KCNK2: variants seen among roughly 807,000 people sequenced by gnomAD.
KCNK2 encodes the protein potassium two pore domain channel subfamily K member 2, also known as potassium channel subfamily K member 2.
Under a neutral mutation model 40.5 loss-of-function variants are expected in KCNK2, and 21 were observed. The ratio of observed to expected loss-of-function variants is 0.52; its 90% confidence interval spans 0.37 to 0.75. The LOEUF (loss-of-function observed/expected upper bound fraction) is 0.75, where lower values mean the gene tolerates loss of function less well. Among genes scored for constraint, KCNK2 ranks in the 30% least tolerant of loss-of-function variants. KCNK2 has a pLI of 0.00. For missense variants in KCNK2, 399 were observed against 531.6 expected, an observed-to-expected ratio of 0.75 and a Z score of 2.45; for synonymous variants, 191 against 202.2, an observed-to-expected ratio of 0.94 and a Z score of 0.47.
intron 2 of KCNK2, among the ~76,000 whole-genome samples, chr1:215,114,740 A>T (rs1460752285): frequency 2.0e-5 from 3 of 152,190 alleles, no homozygotes; most frequent in Non-Finnish European, 4.4e-5. Context: ...GCAAGTCATT[A>T]ATAAACTTCC....
At chr1:215,028,282 G>A (rs1480815012) in intron 1 of KCNK2, among the ~76,000 whole-genome samples, 2 of 152,138 alleles carry the variant, frequency 1.3e-5, no homozygotes, top group East Asian at 3.9e-4. Flanking sequence ...TTACTCAGGA[G>A]GCTGAGGCAG....
chr1:215,013,067 T>C (rs187886841), intron 1 of KCNK2, among the ~76,000 whole-genome samples: 86 of 152,330 alleles, frequency 5.6e-4, no homozygotes, highest in Non-Finnish European at 1.1e-3. Flanking sequence ...TTCAAATTTA[T>C]GAAAAATTTC....
rs544960993 is a variant in KCNK2 at position 215,011,280 on chromosome 1, C to T, written c.34+5325C>T. Among the ~76,000 whole-genome samples, 8 of 152,198 alleles carry T rather than the reference C, an allele frequency of 5.3e-5. 1 individual carries two copies. Among genetic ancestry groups the T allele is most frequent in the African/African-American group, 1.7e-4 (7 of 41,528 alleles). On this transcript the variant is annotated intron_variant, in intron 1 of 6. Transcript: ENST00000391895. ...AGTATAAATGAAATCATACAGTTTACAATCTTTTGAGTCTGATTTCTTTTT... is the reference window on the plus strand; with the variant it reads ...AGTATAAATGAAATCATACAGTTTATAATCTTTTGAGTCTGATTTCTTTTT...
intron 1 of KCNK2, among the ~76,000 whole-genome samples, chr1:215,011,087 T>A (rs897873612): frequency 3.3e-5 from 5 of 151,814 alleles, no homozygotes; most frequent in Admixed American, 2.6e-4. Context: ...TCTATGAGTT[T>A]TGATACAGAG....
At chr1:215,049,886 C>A (rs1195946990) in intron 1 of KCNK2, among the ~76,000 whole-genome samples, 1 of 152,068 alleles carries the variant, frequency 6.6e-6, no homozygotes, top group East Asian at 1.9e-4. Flanking sequence ...ATCAATATCA[C>A]CTTACCTTAA....
chr1:215,121,397 T>A (rs776992219), intron 2 of KCNK2, among the ~76,000 whole-genome samples: 2 of 152,128 alleles, frequency 1.3e-5, no homozygotes, highest in African/African-American at 4.8e-5. Flanking sequence ...TTCTCCCACC[T>A]CAGCCTCCCT....
At chr1:215,091,070 C>T (rs965137920) in intron 2 of KCNK2, among the ~76,000 whole-genome samples, 3 of 152,122 alleles carry the variant, frequency 2.0e-5, no homozygotes, top group African/African-American at 7.2e-5. Flanking sequence ...ATAGCATTAC[C>T]GTAGAAATAC....
intron 1 of KCNK2, among the ~76,000 whole-genome samples, chr1:215,057,708 C>T (rs961646139): frequency 2.6e-5 from 4 of 152,120 alleles, no homozygotes; most frequent in Middle Eastern, 3.4e-3. Context: ...AAGGGCAGTG[C>T]AGGAAGGAGA....
At chr1:215,027,698 A>T (rs558904948) in intron 1 of KCNK2, among the ~76,000 whole-genome samples, 1 of 152,238 alleles carries the variant, frequency 6.6e-6, no homozygotes, top group South Asian at 2.1e-4. Flanking sequence ...GTTGATACTT[A>T]ATTTATGCTA....
At chr1:215,020,976 T>C (rs1406072904) in intron 1 of KCNK2, among the ~76,000 whole-genome samples, 1 of 152,174 alleles carries the variant, frequency 6.6e-6, no homozygotes, top group African/African-American at 2.4e-5. Flanking sequence ...AAAAATTCAA[T>C]CGTGGTGGGA....
At chr1:215,173,294 T>C (rs998311297) in intron 5 of KCNK2, among the ~76,000 whole-genome samples, 10 of 152,324 alleles carry the variant, frequency 6.6e-5, no homozygotes, top group African/African-American at 2.4e-4. Context: ...ACAAAGGACA[T>C]GAACTCATCC....
chr1:215,226,701 T>C (rs1571752426), intron 6 of KCNK2, among the ~76,000 whole-genome samples: 1 of 152,078 alleles, frequency 6.6e-6, no homozygotes, highest in African/African-American at 2.4e-5. Flanking sequence ...GGTGAGATAT[T>C]GTCATGAAAA....
chr1:215,101,983 AATTTTTTGAG>A (rs1432084281), intron 2 of KCNK2, among the ~76,000 whole-genome samples: 1 of 151,928 alleles, frequency 6.6e-6, no homozygotes, highest in African/African-American at 2.4e-5. Context: ...TTATTTTTAA[AATTTTTTGAG>A]TTTTTAAATT....
intron 5 of KCNK2, 43 bp from the exon 6 acceptor site, chr1:215,194,910 T>C (rs1292680879): frequency 6.3e-7 from 1 of 1,597,606 alleles, no homozygotes; most frequent in Non-Finnish European, 8.6e-7. Flanking sequence ...TGTTTACTTT[T>C]AAGACTATGA....
chr1:215,063,509 G>C (rs1292538359), intron 1 of KCNK2, among the ~76,000 whole-genome samples: 1 of 152,126 alleles, frequency 6.6e-6, no homozygotes, highest in Non-Finnish European at 1.5e-5. Context: ...AACATATCAT[G>C]ATTACCTGAA....
At chr1:215,013,562 T>G (rs1656482192) in intron 1 of KCNK2, among the ~76,000 whole-genome samples, 1 of 152,172 alleles carries the variant, frequency 6.6e-6, no homozygotes, top group African/African-American at 2.4e-5. Flanking sequence ...GAAGTGAGCC[T>G]TATTTAGCTC....
chr1:215,226,323 G>C (rs1405126430), intron 6 of KCNK2, among the ~76,000 whole-genome samples: 1 of 150,938 alleles, frequency 6.6e-6, no homozygotes, highest in East Asian at 1.9e-4. Flanking sequence ...TTTTTTATTT[G>C]TTTTGTTTTG....
intron 2 of KCNK2, among the ~76,000 whole-genome samples, chr1:215,090,296 T>G (rs919371980): frequency 1.3e-5 from 2 of 152,208 alleles, no homozygotes; most frequent in African/African-American, 4.8e-5. Flanking sequence ...ATAGGGAAAC[T>G]GAAGTAAGGG....
intron 5 of KCNK2, among the ~76,000 whole-genome samples, chr1:215,192,742 A>G (rs1664718218): frequency 6.6e-6 from 1 of 152,228 alleles, no homozygotes; most frequent in African/African-American, 2.4e-5. Context: ...ACTCTTAACC[A>G]TCACGAGATG....
Sources: allele counts gnomAD v4.1 joint callset (sites outside exome capture counted in the v4.1 genomes callset), GRCh38; gene constraint gnomAD v4.1.1; transcripts MANE v1.5; gene names NCBI Gene and HGNC (gene_info 2026-07-23, HGNC 2026-07-21).